The following ATF7 variants were observed in gnomAD, a reference collection of about 807,000 sequenced individuals.
ATF7 encodes cyclic AMP-dependent transcription factor ATF-7.
In ATF7, 10 loss-of-function variants were observed where a neutral mutation model predicts 50.4. That is an observed-to-expected ratio of 0.20 (90% CI 0.12 to 0.34). ATF7 has a LOEUF of 0.34. Among genes scored for constraint, ATF7 ranks in the 10% least tolerant of loss-of-function variants. The pLI, the probability that ATF7 is intolerant of heterozygous loss-of-function variation, is 1.00. For synonymous variants in ATF7, 201 were observed against 226.4 expected (o/e 0.89, Z 1.01); for missense variants, 465 against 613.9 (o/e 0.76, Z 2.56).
rs1319759637 is a variant in ATF7, at chr12:53,514,091, C to T, written c.*3046G>A. 1.3e-5 allele frequency: 2 copies of T among 152,014 alleles called. No individual in the cohort carries two copies. Among genetic ancestry groups the T allele is most frequent in the African/African-American group, 4.8e-5 (2 of 41,390 alleles). 9.4% of individuals were successfully genotyped at this position (152,014 alleles called of 1,614,324 possible). On this transcript the variant is annotated 3_prime_UTR_variant, in exon 12 of 12. Coordinates refer to ENST00000420353, the MANE Select transcript of ATF7 (RefSeq NM_006856.3). ...CATGACTTTTTTTTTGTTGGCCTCT[C>T]TAGTATTGTGGGAGGCTTTCTTAGA...
intron 4 of ATF7, among the ~76,000 whole-genome samples, chr12:53,538,007 C>T (rs1007505684): frequency 4.6e-5 from 7 of 151,826 alleles, no homozygotes; most frequent in Middle Eastern, 3.4e-3. Flanking sequence ...CCACTGCATC[C>T]GGCCAAGAAA....
intron 2 of ATF7, among the ~76,000 whole-genome samples, chr12:53,559,649 A>C (rs1243134795): frequency 2.1e-5 from 3 of 143,462 alleles, no homozygotes; most frequent in African/African-American, 7.9e-5. Context: ...ACTGCACTCC[A>C]GCCTGGGTGA....
At chr12:53,549,938 G>A (rs527322882) in intron 3 of ATF7, among the ~76,000 whole-genome samples, 3 of 152,166 alleles carry the variant, frequency 2.0e-5, no homozygotes, top group Non-Finnish European at 4.4e-5. Flanking sequence ...GACTGGTCTC[G>A]AACTCCTGAC....
At chr12:53,594,752 G>A (rs1034835610) in intron 2 of ATF7, among the ~76,000 whole-genome samples, 1 of 152,120 alleles carries the variant, frequency 6.6e-6, no homozygotes, top group Admixed American at 6.5e-5. Context: ...AGCCAGGTAT[G>A]GTGGTGGGCG....
chr12:53,581,788 A>G (rs907484037), intron 2 of ATF7, among the ~76,000 whole-genome samples: 1 of 151,734 alleles, frequency 6.6e-6, no homozygotes, highest in Non-Finnish European at 1.5e-5. Context: ...GGGGAAAAAG[A>G]GCAAATTAAA....
At chr12:53,587,597 G>T (rs889198973) in intron 2 of ATF7, among the ~76,000 whole-genome samples, 11 of 149,548 alleles carry the variant, frequency 7.4e-5, no homozygotes, top group African/African-American at 2.7e-4. Flanking sequence ...AACGTGGGAG[G>T]CAGAGGTTGC....
At chr12:53,550,337 AAT>A (rs1221916825) in intron 3 of ATF7, among the ~76,000 whole-genome samples, 36 of 135,996 alleles carry the variant, frequency 2.6e-4, no homozygotes, top group South Asian at 4.7e-4. Flanking sequence ...AAAAAAAATA[AAT>A]AAATAAATAA....
intron 2 of ATF7, among the ~76,000 whole-genome samples, chr12:53,593,994 C>T (rs1397966892): frequency 3.3e-5 from 5 of 152,230 alleles, no homozygotes; most frequent in African/African-American, 1.2e-4. Flanking sequence ...AGTACGCTGG[C>T]TGCTTTTTAA....
At chr12:53,589,099 A>G (rs779935318) in intron 2 of ATF7, among the ~76,000 whole-genome samples, 10 of 152,090 alleles carry the variant, frequency 6.6e-5, no homozygotes, top group Non-Finnish European at 1.3e-4. Flanking sequence ...ATTTTTTTCT[A>G]GGCTAGATGT....
At chr12:53,589,905 C>T (rs903058988) in intron 2 of ATF7, among the ~76,000 whole-genome samples, 2 of 152,144 alleles carry the variant, frequency 1.3e-5, no homozygotes, top group African/African-American at 4.8e-5. Context: ...TTAACACTTA[C>T]ACTTCTCAAG....
intron 2 of ATF7, among the ~76,000 whole-genome samples, chr12:53,581,421 T>C (rs1942420237): frequency 1.3e-5 from 2 of 152,212 alleles, no homozygotes; most frequent in African/African-American, 4.8e-5. Context: ...ATGGAACATT[T>C]ACCAAGACTG....
intron 2 of ATF7, among the ~76,000 whole-genome samples, chr12:53,584,067 C>T (rs1942567209): frequency 6.6e-6 from 1 of 152,184 alleles, no homozygotes; most frequent in Non-Finnish European, 1.5e-5. Flanking sequence ...GCAACCTCCG[C>T]CTCCCAAGTT....
At chr12:53,508,690 G>A (rs916184263), downstream of ATF7, among the ~76,000 whole-genome samples, 8 of 152,010 alleles carry the variant, frequency 5.3e-5, no homozygotes, top group African/African-American at 1.9e-4. Context: ...CTGCCTCATC[G>A]CCCTTCCTAT....
intron 2 of ATF7, among the ~76,000 whole-genome samples, chr12:53,582,593 T>G (rs962088169): frequency 2.6e-5 from 4 of 152,186 alleles, no homozygotes; most frequent in African/African-American, 9.6e-5. Flanking sequence ...TATTTATTTA[T>G]TTTGAGACGG....
chr12:53,587,843 ATTTT>A (rs201692852), intron 2 of ATF7, among the ~76,000 whole-genome samples: 19 of 61,568 alleles, frequency 3.1e-4, no homozygotes, highest in Middle Eastern at 0.011. Flanking sequence ...ATATATATAT[ATTTT>A]TTTTTTTTTT....
At chr12:53,509,362 G>T (rs985202307), downstream of ATF7, among the ~76,000 whole-genome samples, 3 of 152,088 alleles carry the variant, frequency 2.0e-5, no homozygotes, top group African/African-American at 7.2e-5. Flanking sequence ...ATTTATCCTT[G>T]TGCCGAGGGG....
At chr12:53,555,566 A>G (rs1181387213) in intron 2 of ATF7, among the ~76,000 whole-genome samples, 2 of 129,682 alleles carry the variant, frequency 1.5e-5, no homozygotes, top group African/African-American at 3.0e-5. Flanking sequence ...GCAGTGGTGC[A>G]ATGGCACGAT....
At chr12:53,600,625 C>G in intron 2 of ATF7, 1 of 190,898 alleles carries the variant, frequency 5.2e-6, no homozygotes, top group South Asian at 8.8e-5. Flanking sequence ...AGCCACCGCG[C>G]CCGGCATGAA....
intron 2 of ATF7, among the ~76,000 whole-genome samples, chr12:53,565,848 C>G (rs1486345683): frequency 6.6e-6 from 1 of 152,100 alleles, no homozygotes; most frequent in East Asian, 1.9e-4. Context: ...GCTATTGTAT[C>G]AGCCTGTTCT....
Sources: allele counts gnomAD v4.1 joint callset (sites outside exome capture counted in the v4.1 genomes callset), GRCh38; gene constraint gnomAD v4.1.1; transcripts MANE v1.5; gene names NCBI Gene and HGNC (gene_info 2026-07-23, HGNC 2026-07-21).